CTNNBL1: variants seen among roughly 807,000 people sequenced by gnomAD.
The protein encoded by CTNNBL1 is catenin beta like 1.
A neutral mutation model predicts 72.7 loss-of-function variants in CTNNBL1; 31 were observed. The ratio of observed to expected loss-of-function variants is 0.43; its 90% CI spans 0.32 to 0.58. CTNNBL1 has a LOEUF of 0.58. Among genes scored for constraint, CTNNBL1 ranks in the 20% least tolerant of loss-of-function variants. The pLI, the probability that CTNNBL1 is intolerant of heterozygous loss-of-function variation, is 0.08. For synonymous variants in CTNNBL1, 240 were observed against 267.3 expected (o/e 0.90, Z 1.00); for missense variants, 534 against 725.1 (o/e 0.74, Z 3.03).
chr20:37,719,506 C>G (rs920966109), intron 1 of CTNNBL1, among the ~76,000 whole-genome samples: 1 of 152,120 alleles, frequency 6.6e-6, no homozygotes, highest in Admixed American at 6.5e-5. Flanking sequence ...AAAGAACATG[C>G]CTTTTTTGTT....
intron 11 of CTNNBL1, among the ~76,000 whole-genome samples, chr20:37,814,359 T>A (rs1352337414): frequency 6.6e-6 from 1 of 152,198 alleles, no homozygotes; most frequent in Non-Finnish European, 1.5e-5. Context: ...CATTTCTCCC[T>A]GGCTCACTTT....
intron 1 of CTNNBL1, among the ~76,000 whole-genome samples, chr20:37,727,998 CTCTT>C (rs2122589812): frequency 6.6e-6 from 1 of 152,330 alleles, no homozygotes; most frequent in East Asian, 1.9e-4. Context: ...TTTAGTGTGA[CTCTT>C]TCACGAACAG....
chr20:37,761,049 T>C (rs993845532), intron 5 of CTNNBL1, among the ~76,000 whole-genome samples: 1 of 150,498 alleles, frequency 6.6e-6, no homozygotes, highest in East Asian at 1.9e-4. Flanking sequence ...TGAAAACAGC[T>C]ATGAGAGGGG....
intron 15 of CTNNBL1, among the ~76,000 whole-genome samples, chr20:37,866,427 G>T (rs1568818946): frequency 6.6e-6 from 1 of 152,194 alleles, no homozygotes; most frequent in African/African-American, 2.4e-5. Flanking sequence ...CTGACCTCAG[G>T]CAGCTCTTCC....
intron 11 of CTNNBL1, among the ~76,000 whole-genome samples, chr20:37,825,915 G>T (rs2072155595): frequency 6.6e-6 from 1 of 152,238 alleles, no homozygotes; most frequent in Admixed American, 6.5e-5. Context: ...AAAGCCTGTT[G>T]TAGGAGCCAT....
intron 3 of CTNNBL1, among the ~76,000 whole-genome samples, chr20:37,742,944 C>T (rs977200887): frequency 6.6e-6 from 1 of 152,086 alleles, no homozygotes; most frequent in Non-Finnish European, 1.5e-5. Context: ...GCTGGGATTA[C>T]AAGTGTGCGC....
intron 7 of CTNNBL1, among the ~76,000 whole-genome samples, chr20:37,774,930 C>T (rs142557913): frequency 1.3e-5 from 2 of 151,530 alleles, no homozygotes; most frequent in Admixed American, 6.6e-5. Flanking sequence ...ATGTCAGTGC[C>T]CTTAATCAAA....
intron 1 of CTNNBL1, among the ~76,000 whole-genome samples, chr20:37,711,741 C>A (rs775705452): frequency 2.2e-4 from 33 of 151,530 alleles, no homozygotes; most frequent in Admixed American, 5.3e-4. Context: ...TGAGAAAGAT[C>A]CAGACATATG....
intron 11 of CTNNBL1, among the ~76,000 whole-genome samples, chr20:37,835,998 T>A (rs1364432685): frequency 1.3e-5 from 2 of 152,344 alleles, no homozygotes; most frequent in East Asian, 3.9e-4. Context: ...TTAGTATAGA[T>A]GCTCAATAAA....
intron 13 of CTNNBL1, among the ~76,000 whole-genome samples, chr20:37,843,411 T>TG (rs1450301558): frequency 6.6e-6 from 1 of 152,250 alleles, no homozygotes; most frequent in African/African-American, 2.4e-5. Context: ...CGTGTTGCAC[T>TG]GGGAATTACA....
intron 11 of CTNNBL1, among the ~76,000 whole-genome samples, chr20:37,803,719 A>T (rs2122737561): frequency 1.3e-5 from 2 of 152,250 alleles, no homozygotes; most frequent in South Asian, 4.2e-4. Context: ...GGGAATTTAC[A>T]TGGTTGGATG....
chr20:37,830,664 C>T (rs1157050402), intron 11 of CTNNBL1, among the ~76,000 whole-genome samples: 1 of 152,152 alleles, frequency 6.6e-6, no homozygotes, highest in Non-Finnish European at 1.5e-5. Context: ...TCCCAAAAAA[C>T]CCATCATGAG....
intron 13 of CTNNBL1, among the ~76,000 whole-genome samples, chr20:37,855,416 ATT>A (rs1051769540): frequency 5.3e-5 from 8 of 152,250 alleles, no homozygotes; most frequent in Admixed American, 5.2e-4. Flanking sequence ...TTCAAAAATA[ATT>A]TCATATTCAT....
intron 11 of CTNNBL1, among the ~76,000 whole-genome samples, chr20:37,820,613 T>C (rs2072098342): frequency 6.6e-6 from 1 of 152,184 alleles, no homozygotes; most frequent in Non-Finnish European, 1.5e-5. Context: ...CTCGTGATAA[T>C]GAGGGAGTTC....
At chr20:37,814,361 G>A (rs1043217174) in intron 11 of CTNNBL1, among the ~76,000 whole-genome samples, 2 of 151,936 alleles carry the variant, frequency 1.3e-5, no homozygotes, top group African/African-American at 4.8e-5. Context: ...TTTCTCCCTG[G>A]CTCACTTTGT....
chr20:37,718,263 G>C (rs1403168772), intron 1 of CTNNBL1, among the ~76,000 whole-genome samples: 52 of 141,220 alleles, frequency 3.7e-4, no homozygotes, highest in Non-Finnish European at 6.0e-4. Flanking sequence ...CCTCCCGGAC[G>C]GGGTGGCTGG....
chr20:37,813,584 A>T (rs1568792529), intron 11 of CTNNBL1, among the ~76,000 whole-genome samples: 1 of 152,246 alleles, frequency 6.6e-6, no homozygotes, highest in Non-Finnish European at 1.5e-5. Context: ...TCATTTTGCC[A>T]GGTAGAAACT....
chr20:37,761,137 G>A (rs1181509323), intron 5 of CTNNBL1, among the ~76,000 whole-genome samples: 2 of 152,202 alleles, frequency 1.3e-5, no homozygotes, highest in Non-Finnish European at 2.9e-5. Context: ...TGCAGGCATC[G>A]GTGATGGCCT....
intron 7 of CTNNBL1, among the ~76,000 whole-genome samples, chr20:37,775,885 A>G (rs1264552637): frequency 2.0e-5 from 3 of 152,196 alleles, no homozygotes; most frequent in Non-Finnish European, 4.4e-5. Context: ...CTTGTTTTAA[A>G]CAAGAACCAT....
Sources: gnomAD v4.1 joint callset for allele counts (sites outside exome capture counted in the v4.1 genomes callset) on GRCh38, gnomAD v4.1.1 for gene constraint, MANE v1.5 for transcripts, NCBI Gene and HGNC (gene_info 2026-07-23, HGNC 2026-07-21) for gene names.